Variants in LGR6 observed in about 807,000 individuals in gnomAD.
LGR6 encodes the protein leucine rich repeat containing G protein-coupled receptor 6.
In LGR6, 45 loss-of-function variants were observed where a neutral mutation model predicts 69.4. That is an observed-to-expected ratio of 0.65 (90% confidence interval 0.51 to 0.83). The LOEUF is 0.83. Ranked by LOEUF, LGR6 falls within the 40% of genes least tolerant of loss-of-function variation. The pLI is 0.00. For synonymous variants in LGR6, 538 were observed against 555.0 expected (o/e 0.97, Z 0.43); for missense variants, 1,108 against 1,246.7 (o/e 0.89, Z 1.68).
At chr1:202,257,824 GAA>G (rs1663901591) in intron 4 of LGR6, among the ~76,000 whole-genome samples, 1 of 151,950 alleles carries the variant, frequency 6.6e-6, no homozygotes, top group African/African-American at 2.4e-5. Context: ...ATAAATTTTA[GAA>G]TCAGCTTGTC....
intron 3 of LGR6, among the ~76,000 whole-genome samples, chr1:202,232,397 A>G (rs1346248594): frequency 1.3e-5 from 2 of 152,184 alleles, no homozygotes; most frequent in East Asian, 3.9e-4. Flanking sequence ...CTAGACTTCT[A>G]CTGGACCAAC....
intron 6 of LGR6, among the ~76,000 whole-genome samples, chr1:202,288,379 C>T (rs765862419): frequency 3.9e-5 from 6 of 152,232 alleles, no homozygotes; most frequent in Admixed American, 6.5e-5. Flanking sequence ...CCTTACCGCT[C>T]CATGAGTTTT....
Position 202,318,833 on chromosome 1 carries a change from C to G in LGR6, c.2530C>G (p.Arg844Gly), listed in dbSNP as rs141988514. 75 of 1,613,046 alleles carry G rather than the reference C, an allele frequency of 4.6e-5. No individual in the cohort carries two copies. Among genetic ancestry groups the G allele is most frequent in the Non-Finnish European group, 6.2e-5 (73 of 1,179,664 alleles). ...GGATGACCTTCGGCGGCTTCGGCCC[C>G]GCGCAGGGGACTCAGGGCCCCTAGC... The part of the protein sequence containing the change: ...FRDDLRRLRP[R>G]AGDSGPLAYA... Residue 844 changes from arginine (R) to glycine (G), a missense_variant, in exon 18 of 18, where the codon CGC (arginine) becomes GGC (glycine). Arg to Gly is a moderately radical substitution (Grantham distance 125). Transcript: ENST00000367278.
chr1:202,304,414 A>C (rs1572004929), intron 10 of LGR6, 145 bp from the exon 11 acceptor site: 2 of 483,080 alleles, frequency 4.1e-6, no homozygotes, highest in East Asian at 3.2e-5. Flanking sequence ...CCACAGCCCC[A>C]CCCCCTGCCC....
chr1:202,269,582 A>G (rs1664931849), intron 4 of LGR6, among the ~76,000 whole-genome samples: 1 of 152,198 alleles, frequency 6.6e-6, no homozygotes, highest in Admixed American at 6.5e-5. Context: ...TTGGATGAGA[A>G]GTGGAATTCC....
chr1:202,208,229 C>A (rs1659329208), intron 1 of LGR6, among the ~76,000 whole-genome samples: 1 of 152,178 alleles, frequency 6.6e-6, no homozygotes. Context: ...GATCAGGAGA[C>A]CCTGGGCTAG....
rs1057215844 is a variant in LGR6 at position 202,282,071 on chromosome 1, G to A, written c.716+1219G>A. On this transcript the variant is annotated intron_variant, in intron 6 of 17. Transcript: ENST00000367278. ...TGCTTTCTTGGGCTTAGCCTGAAGC[G>A]GGAGAAATGGCAGAGCCAGCCCAGC... Among the ~76,000 whole-genome samples, 29 of 152,304 alleles carry A rather than the reference G, an allele frequency of 1.9e-4. 2 individuals carry two copies. Among genetic ancestry groups the A allele is most frequent in the Middle Eastern group, 6.8e-3 (2 of 294 alleles).
chr1:202,300,164 C>T (rs1036535046), intron 7 of LGR6, among the ~76,000 whole-genome samples: 40 of 152,256 alleles, frequency 2.6e-4, no homozygotes, highest in African/African-American at 9.4e-4. Context: ...TTTCCTCTCA[C>T]ACACCCTTGG....
intron 15 of LGR6, among the ~76,000 whole-genome samples, 185 bp downstream of exon 15, chr1:202,309,361 CCTT>C (rs1364640134): frequency 6.6e-6 from 1 of 152,230 alleles, no homozygotes; most frequent in Non-Finnish European, 1.5e-5. Flanking sequence ...TCCCCTTCCT[CCTT>C]ATCTCCTTGG....
chr1:202,207,558 C>T (rs1015503654), intron 1 of LGR6, among the ~76,000 whole-genome samples: 8 of 152,160 alleles, frequency 5.3e-5, no homozygotes, highest in African/African-American at 9.7e-5. Context: ...GCAGAGGGCC[C>T]ATCCCACAGA....
chr1:202,203,890 G>A (rs777318829), intron 1 of LGR6: 3 of 1,597,144 alleles, frequency 1.9e-6, no homozygotes, highest in Admixed American at 1.7e-5. Flanking sequence ...GTTGTTGCAT[G>A]AAGCAAGATC....
chr1:202,215,093 C>T (rs1310296951), intron 1 of LGR6, among the ~76,000 whole-genome samples: 1 of 127,442 alleles, frequency 7.8e-6, no homozygotes, highest in African/African-American at 3.0e-5. Flanking sequence ...GAAAAGCTCC[C>T]ATCTGGGATG....
chr1:202,247,580 A>G (rs12144720), intron 4 of LGR6, among the ~76,000 whole-genome samples: 11,366 of 152,218 alleles, frequency 0.075, 562 homozygotes, highest in Middle Eastern at 0.12. Context: ...TTGTGGACCC[A>G]CTTGGAGGCA....
intron 1 of LGR6, among the ~76,000 whole-genome samples, chr1:202,208,442 G>A (rs556578149): frequency 6.6e-6 from 1 of 151,964 alleles, no homozygotes; most frequent in Non-Finnish European, 1.5e-5. Context: ...GTGAGCCAAT[G>A]AAGAGGAGAC....
intron 4 of LGR6, among the ~76,000 whole-genome samples, chr1:202,254,942 G>A (rs1343933160): frequency 2.0e-5 from 3 of 151,932 alleles, no homozygotes; most frequent in African/African-American, 7.3e-5. Flanking sequence ...TGAAAAGACA[G>A]TTTTTGCTAG....
rs775098995 is a variant in LGR6 at position 202,318,831 on chromosome 1, C to A, written c.2528C>A (p.Pro843His). The change falls in exon 18 of 18, where the codon CCC (proline) becomes CAC (histidine). Residue 843 changes from proline (P) to histidine (H), a missense_variant. Coordinates refer to ENST00000367278, the MANE Select transcript of LGR6 (RefSeq NM_001017403.2). ...CGGGATGACCTTCGGCGGCTTCGGC[C>A]CCGCGCAGGGGACTCAGGGCCCCTA... Reference protein sequence around the residue: ...HFRDDLRRLRPRAGDSGPLAY... With the variant: ...HFRDDLRRLRHRAGDSGPLAY... 17 of 1,613,256 alleles carry A rather than the reference C, an allele frequency of 1.1e-5. No individual in the cohort carries two copies. In the South Asian group the frequency reaches 1.5e-4, roughly 15 times the overall value.
intron 1 of LGR6, among the ~76,000 whole-genome samples, chr1:202,218,686 C>T (rs530878932): frequency 6.6e-6 from 1 of 152,144 alleles, no homozygotes; most frequent in African/African-American, 2.4e-5. Context: ...CTGGTGCTTT[C>T]CTCTCTGAAC....
chr1:202,205,816 TAC>T (rs1390376245), intron 1 of LGR6, among the ~76,000 whole-genome samples: 5 of 119,700 alleles, frequency 4.2e-5, no homozygotes, highest in African/African-American at 3.3e-5. Flanking sequence ...ACCTCCTTCA[TAC>T]ACACACACCC....
At chr1:202,207,863 G>A (rs1359699471) in intron 1 of LGR6, among the ~76,000 whole-genome samples, 1 of 152,212 alleles carries the variant, frequency 6.6e-6, no homozygotes, top group East Asian at 1.9e-4. Context: ...TTCAACCTGT[G>A]AATATGTATT....
Sources: gnomAD v4.1 joint callset for allele counts (sites outside exome capture counted in the v4.1 genomes callset) on GRCh38, gnomAD v4.1.1 for gene constraint, MANE v1.5 for transcripts, NCBI Gene and HGNC (gene_info 2026-07-23, HGNC 2026-07-21) for gene names.